The following IYD variants were observed in gnomAD, a reference collection of about 807,000 sequenced individuals.
IYD encodes the protein iodotyrosine deiodinase.
IYD carries 25 observed loss-of-function variants against 28.4 expected under a neutral mutation model. The observed-to-expected ratio is 0.88, with a 90% CI of 0.64 to 1.23. The LOEUF (loss-of-function observed/expected upper bound fraction) is 1.23. Ranked by LOEUF, IYD falls within the 50% of genes most tolerant of loss-of-function variation. The pLI is 0.00. For missense variants in IYD, 352 were observed against 357.9 expected, an observed-to-expected ratio of 0.98 and a Z score of 0.13; for synonymous variants, 140 against 130.8, an observed-to-expected ratio of 1.07 and a Z score of -0.48.
At chr6:150,386,260 C>T (rs7770389) in intron 1 of IYD, among the ~76,000 whole-genome samples, 22,943 of 151,702 alleles carry the variant, frequency 0.15, 3,416 homozygotes, top group African/African-American at 0.37. Context: ...TTGGAATCTC[C>T]CTCTAAATAT....
At chr6:150,375,064 A>G (rs1241025287) in intron 1 of IYD, among the ~76,000 whole-genome samples, 1 of 151,994 alleles carries the variant, frequency 6.6e-6, no homozygotes, top group Non-Finnish European at 1.5e-5. Context: ...ATCCCTACCC[A>G]CCTCAGTGCT....
chr6:150,399,890 T>A lies in IYD; in HGVS notation c.*1653T>A, dbSNP rs1389411111. 2 of 152,272 alleles carry A rather than the reference T, an allele frequency of 1.3e-5. No individual in the cohort carries two copies. Among genetic ancestry groups the A allele is most frequent in the Non-Finnish European group, 2.9e-5 (2 of 68,120 alleles). The allele number at this position is 152,272 out of a possible 1,614,324, so 9.4% of individuals were successfully genotyped here. On this transcript the variant is annotated 3_prime_UTR_variant, in exon 5 of 5. Transcript: ENST00000344419. ...CATCACCTCCCAAAGGACCCCCTCC[T>A]AATACCATCACATTGGGGGTTAGGG...
intron 1 of IYD, among the ~76,000 whole-genome samples, chr6:150,375,050 C>T (rs959811395): frequency 2.0e-5 from 3 of 152,186 alleles, no homozygotes; most frequent in African/African-American, 7.2e-5. Flanking sequence ...CTTCAGCCTT[C>T]CCAATCCCTA....
intron 1 of IYD, among the ~76,000 whole-genome samples, chr6:150,386,936 AT>A (rs575902163): frequency 1.3e-5 from 2 of 152,260 alleles, no homozygotes; most frequent in East Asian, 3.9e-4. Context: ...GTTCATTTCT[AT>A]TCAATGCAAC....
intron 1 of IYD, chr6:150,369,894 C>T: frequency 1.5e-6 from 1 of 688,390 alleles, no homozygotes; most frequent in South Asian, 1.5e-5. Context: ...AGGCCTGGGG[C>T]AGGGGTAAGA....
At chr6:150,387,301 C>G (rs569434934) in intron 1 of IYD, among the ~76,000 whole-genome samples, 26 of 152,116 alleles carry the variant, frequency 1.7e-4, no homozygotes, top group African/African-American at 5.1e-4. Context: ...TGGTGCACAC[C>G]TGTACTCCCA....
chr6:150,394,327 A>G, intron 4 of IYD, 72 bp downstream of exon 4: 1 of 1,556,512 alleles, frequency 6.4e-7, no homozygotes, highest in Non-Finnish European at 8.9e-7. Flanking sequence ...ATTCAGGGAC[A>G]TTTGGAAATT....
Position 150,392,524 on chromosome 6 carries a change from T to A in IYD, c.530+20T>A. ...ACTGAGGTACAAACAGTGGTGGAACTGGGGATGTTTGCCTTGGCCTCTTAA... is the reference window on the plus strand; with the variant it reads ...ACTGAGGTACAAACAGTGGTGGAACAGGGGATGTTTGCCTTGGCCTCTTAA... On this transcript the variant is annotated intron_variant, in intron 3 of 4. Coordinates refer to ENST00000344419, the MANE Select transcript of IYD (RefSeq NM_203395.3). The A allele has an allele frequency of 6.2e-7, 1 of 1,612,896 alleles. No homozygotes were observed. Among genetic ancestry groups the A allele is most frequent in the Non-Finnish European group, 8.5e-7 (1 of 1,179,224 alleles).
At chr6:150,383,553 C>A (rs534981712) in intron 1 of IYD, among the ~76,000 whole-genome samples, 1 of 151,986 alleles carries the variant, frequency 6.6e-6, no homozygotes, top group South Asian at 2.1e-4. Context: ...TAGCTTGCGG[C>A]GTTCATAAAA....
At chr6:150,374,323 C>A (rs553126007) in intron 1 of IYD, among the ~76,000 whole-genome samples, 2 of 152,256 alleles carry the variant, frequency 1.3e-5, no homozygotes, top group South Asian at 4.1e-4. Context: ...GTCGTGGAGA[C>A]ATACAAGAGG....
At chr6:150,397,943 G>A in intron 4 of IYD, 112 bp from the exon 5 acceptor site, 1 of 1,106,532 alleles carries the variant, frequency 9.0e-7, no homozygotes, top group Admixed American at 1.8e-5. Context: ...CCCAACTTCA[G>A]GGAAATGATA....
intron 2 of IYD, among the ~76,000 whole-genome samples, chr6:150,390,842 C>G (rs531356316): frequency 2.0e-5 from 3 of 152,074 alleles, no homozygotes; most frequent in Non-Finnish European, 4.4e-5. Context: ...GAAGCTTTGC[C>G]CTGGGACACT....
intron 1 of IYD, among the ~76,000 whole-genome samples, chr6:150,375,136 T>G (rs1474418075): frequency 1.3e-5 from 2 of 152,220 alleles, no homozygotes; most frequent in African/African-American, 2.4e-5. Flanking sequence ...TGTTGCTCGA[T>G]GCACACAGCA....
intron 1 of IYD, among the ~76,000 whole-genome samples, chr6:150,369,525 G>A (rs1777141291): frequency 6.6e-6 from 1 of 152,224 alleles, no homozygotes; most frequent in Non-Finnish European, 1.5e-5. Context: ...CAGGCTGGCA[G>A]TGGGCAGGGA....
chr6:150,370,810 G>C, intron 1 of IYD: 14 of 255,686 alleles, frequency 5.5e-5, no homozygotes, highest in Middle Eastern at 1.9e-3. Context: ...GAGAGGGAGA[G>C]TTGGAGACTG....
chr6:150,369,243 G>T (rs772189041), intron 1 of IYD, 34 bp downstream of exon 1: 1 of 1,600,116 alleles, frequency 6.2e-7, no homozygotes, highest in South Asian at 1.1e-5. Flanking sequence ...TAGCTTCGCT[G>T]TCGTGTTGTG....
chr6:150,395,595 C>T (rs1258127670), intron 4 of IYD: 3 of 1,524,848 alleles, frequency 2.0e-6, no homozygotes, highest in Admixed American at 2.0e-5. Context: ...GTCTTTTTCA[C>T]TTTGCCATTG....
chr6:150,391,506 G>C (rs562179732), intron 2 of IYD, among the ~76,000 whole-genome samples: 7 of 152,228 alleles, frequency 4.6e-5, no homozygotes, highest in Admixed American at 4.6e-4. Context: ...TAGTAGGCAT[G>C]GTGCAGTTAC....
At position 150,378,593 on chromosome 6, in the gene IYD, A is replaced by G. The variant is rs191637918; in HGVS notation, c.178+9384A>G. Among the ~76,000 whole-genome samples the G allele has an allele frequency of 3.4e-3, 523 of 152,284 alleles. 3 individuals carry two copies. The highest frequency in any genetic ancestry group is 0.014 in the South Asian group (70 of 4,830). On this transcript the variant is annotated intron_variant, in intron 1 of 4. Coordinates refer to ENST00000344419, the MANE Select transcript of IYD (RefSeq NM_203395.3). Reference sequence around the variant, plus strand: ...ATGCAAATCAAAACCACAATGAGATACCATCTCACACCAGTTAGGATGGCA... The same window carrying G: ...ATGCAAATCAAAACCACAATGAGATGCCATCTCACACCAGTTAGGATGGCA...
Sources: allele counts gnomAD v4.1 joint callset (sites outside exome capture counted in the v4.1 genomes callset), GRCh38; gene constraint gnomAD v4.1.1; transcripts MANE v1.5; gene names NCBI Gene and HGNC (gene_info 2026-07-23, HGNC 2026-07-21).